The following DCAF5 variants were observed in gnomAD, a reference collection of about 807,000 sequenced individuals.
The protein encoded by DCAF5 is DDB1- and CUL4-associated factor 5.
In DCAF5, 9 loss-of-function variants were observed where a neutral mutation model predicts 80.7. The ratio of observed to expected loss-of-function variants is 0.11; its 90% CI spans 0.07 to 0.19. The LOEUF (loss-of-function observed/expected upper bound fraction) is 0.19, where lower values mean the gene tolerates loss of function less well. Among genes scored for constraint, DCAF5 ranks in the 10% least tolerant of loss-of-function variants. The pLI, the probability that DCAF5 is intolerant of heterozygous loss-of-function variation, is 1.00. For missense variants in DCAF5, 842 were observed against 1,205.7 expected, an observed-to-expected ratio of 0.70 and a Z score of 4.47; for synonymous variants, 433 against 461.9, an observed-to-expected ratio of 0.94 and a Z score of 0.80.
At chr14:69,121,545 A>G (rs1401403500) in intron 2 of DCAF5, among the ~76,000 whole-genome samples, 2 of 152,240 alleles carry the variant, frequency 1.3e-5, no homozygotes, top group Non-Finnish European at 2.9e-5. Flanking sequence ...GTTGTAACTG[A>G]GAAAGAAAAT....
chr14:69,138,589 C>T (rs1292226118), intron 1 of DCAF5, among the ~76,000 whole-genome samples: 1 of 152,182 alleles, frequency 6.6e-6, no homozygotes, highest in African/African-American at 2.4e-5. Context: ...TCATGACTTT[C>T]CCTATTGAGG....
chr14:69,062,860 T>G (rs1044995561), intron 7 of DCAF5, among the ~76,000 whole-genome samples: 1 of 152,040 alleles, frequency 6.6e-6, no homozygotes, highest in Non-Finnish European at 1.5e-5. Flanking sequence ...ATGAGCAAAA[T>G]GAGACTGAAC....
rs2037807199 is a variant in DCAF5, at chr14:69,052,869, C to T, written c.*988G>A. 1 of 152,252 alleles carries T rather than the reference C, an allele frequency of 6.6e-6. No homozygotes were observed. Among genetic ancestry groups the T allele is most frequent in the Admixed American group, 6.5e-5 (1 of 15,290 alleles). 9.4% of individuals were successfully genotyped at this position (152,252 alleles called of 1,614,324 possible). A position where few individuals can be genotyped will look rare whatever the true frequency, so the allele number is the denominator to read the frequency against. On this transcript the variant is annotated 3_prime_UTR_variant, in exon 9 of 9. Coordinates refer to ENST00000341516, the MANE Select transcript of DCAF5 (RefSeq NM_003861.3). ...TGGGTTGAGTTAAATGAATATAGTA[C>T]CACATTCTGCTCCTCACTAAGCTTC... is the stretch of plus-strand genomic sequence containing the variant.
chr14:69,135,993 T>C (rs181884867), intron 1 of DCAF5, among the ~76,000 whole-genome samples: 1 of 152,228 alleles, frequency 6.6e-6, no homozygotes, highest in Admixed American at 6.5e-5. Flanking sequence ...GGTTTTATAT[T>C]CTACATTGCA....
At chr14:69,068,428 G>A (rs949567398) in intron 7 of DCAF5, among the ~76,000 whole-genome samples, 1 of 152,158 alleles carries the variant, frequency 6.6e-6, no homozygotes, top group Non-Finnish European at 1.5e-5. Context: ...GCCAGATGTG[G>A]TGGCTCATGC....
chr14:69,143,409 A>C (rs2041432262), intron 1 of DCAF5, among the ~76,000 whole-genome samples: 1 of 152,184 alleles, frequency 6.6e-6, no homozygotes, highest in Non-Finnish European at 1.5e-5. Context: ...CAGTTCCCTC[A>C]TATGTAATAT....
chr14:69,101,043 T>C (rs2039934362), intron 5 of DCAF5, among the ~76,000 whole-genome samples: 2 of 152,190 alleles, frequency 1.3e-5, no homozygotes, highest in Admixed American at 1.3e-4. Context: ...TCCTATAAAA[T>C]AGACAGTGTG....
chr14:69,113,040 G>C (rs144456141), intron 5 of DCAF5, among the ~76,000 whole-genome samples: 42 of 151,562 alleles, frequency 2.8e-4, no homozygotes, highest in Non-Finnish European at 4.4e-4. Context: ...TTTTCTGCCA[G>C]CCAGCCCTCT....
chr14:69,126,758 G>A (rs2140082429), intron 1 of DCAF5, among the ~76,000 whole-genome samples: 1 of 152,276 alleles, frequency 6.6e-6, no homozygotes, highest in African/African-American at 2.4e-5. Flanking sequence ...ACCCACGTAA[G>A]TATAATCAAC....
At chr14:69,071,822 A>G (rs2038703497) in intron 7 of DCAF5, among the ~76,000 whole-genome samples, 1 of 152,226 alleles carries the variant, frequency 6.6e-6, no homozygotes, top group African/African-American at 2.4e-5. Flanking sequence ...TATTTTTTAT[A>G]GCTATGCATT....
chr14:69,063,164 C>T (rs191409029), intron 7 of DCAF5, among the ~76,000 whole-genome samples: 6 of 152,146 alleles, frequency 3.9e-5, no homozygotes, highest in Admixed American at 2.0e-4. Context: ...AGAGAGTGGG[C>T]CTTAAAGATA....
At chr14:69,127,345 G>C (rs2040908372) in intron 1 of DCAF5, among the ~76,000 whole-genome samples, 1 of 152,136 alleles carries the variant, frequency 6.6e-6, no homozygotes, top group South Asian at 2.1e-4. Flanking sequence ...AAAAGACGTG[G>C]AGAAACCTTA....
chr14:69,065,751 G>A (rs1306178681), intron 7 of DCAF5, among the ~76,000 whole-genome samples: 1 of 152,194 alleles, frequency 6.6e-6, no homozygotes, highest in South Asian at 2.1e-4. Context: ...AATAGCTAAA[G>A]TCAAAATGCC....
intron 1 of DCAF5, among the ~76,000 whole-genome samples, chr14:69,125,901 T>C (rs2040858065): frequency 6.6e-6 from 1 of 152,178 alleles, no homozygotes; most frequent in Non-Finnish European, 1.5e-5. Context: ...TAAACACACA[T>C]AGTAAAAGAG....
intron 1 of DCAF5, among the ~76,000 whole-genome samples, chr14:69,144,388 C>T (rs911727147): frequency 6.6e-6 from 1 of 151,880 alleles, no homozygotes; most frequent in African/African-American, 2.4e-5. Flanking sequence ...CTGGCTAACA[C>T]GGTGAAACCC....
chr14:69,064,015 A>G (rs994128666), intron 7 of DCAF5, among the ~76,000 whole-genome samples: 1 of 152,234 alleles, frequency 6.6e-6, no homozygotes. Flanking sequence ...ACACAGGATT[A>G]GTGGATTTTT....
At position 69,103,774 on chromosome 14, in the gene DCAF5, C is replaced by T. The variant is rs149703707; in HGVS notation, c.666-11887G>A. Among the ~76,000 whole-genome samples the T allele has an allele frequency of 2.0e-5, 3 of 152,356 alleles. No individual in the cohort carries two copies. The East Asian group carries it at 5.8e-4, about 29-fold the overall frequency. The stretch of plus-strand genomic sequence containing the variant: ...ACTCCCTCATGCAACTTGTCCTCTA[C>T]TCTCATCTCTAACTCCTGGCAATCA... On this transcript the variant is annotated intron_variant, in intron 5 of 8. Transcript: ENST00000341516.
chr14:69,054,564 T>C lies in DCAF5; in HGVS notation c.2122A>G (p.Lys708Glu), dbSNP rs1313136503. ...HKDNPAPSSS[K>E]EACLNIAMAQ... ...ATTGCTATGTTTAGACAGGCTTCCT[T>C]ACTGGAAGAAGGGGCTGGGTTGTCT... Residue 708 changes from lysine to glutamate, a missense_variant, in exon 9 of 9, where the codon AAG becomes GAG. Physicochemically the swap from Lys to Glu is moderately conservative, Grantham distance 56. Transcript: ENST00000341516. 1.2e-6 allele frequency: 2 copies of C among 1,614,196 alleles called. No homozygotes were observed. The highest frequency in any genetic ancestry group is 1.7e-4 in the Middle Eastern group (1 of 6,056).
intron 6 of DCAF5, chr14:69,083,311 T>G: frequency 6.4e-6 from 1 of 156,284 alleles, no homozygotes; most frequent in Non-Finnish European, 1.4e-5. Flanking sequence ...TCAAAAAGAG[T>G]TATAAATGGC....
Sources: gnomAD v4.1 joint callset for allele counts (sites outside exome capture counted in the v4.1 genomes callset) on GRCh38, gnomAD v4.1.1 for gene constraint, MANE v1.5 for transcripts, NCBI Gene and HGNC (gene_info 2026-07-23, HGNC 2026-07-21) for gene names.